Variants in ADAMTS20 observed in about 807,000 individuals in gnomAD.
ADAMTS20 encodes A disintegrin and metalloproteinase with thrombospondin motifs 20.
A neutral mutation model predicts 260.1 loss-of-function variants in ADAMTS20; 225 were observed. The observed-to-expected ratio is 0.87, with a 90% confidence interval of 0.78 to 0.97. The LOEUF (loss-of-function observed/expected upper bound fraction) is 0.97. Among genes scored for constraint, ADAMTS20 ranks in the 50% least tolerant of loss-of-function variants. ADAMTS20 has a pLI of 0.00. For synonymous variants in ADAMTS20, 802 were observed against 769.5 expected (o/e 1.04, Z -0.70); for missense variants, 2,400 against 2,337.7 (o/e 1.03, Z -0.55).
chr12:43,490,180 C>T (rs978455344), intron 7 of ADAMTS20, among the ~76,000 whole-genome samples: 4 of 151,960 alleles, frequency 2.6e-5, no homozygotes, highest in Non-Finnish European at 4.4e-5. Flanking sequence ...TCATGCACAG[C>T]ATTTGATATT....
At chr12:43,499,709 T>C (rs1225107360) in intron 4 of ADAMTS20, among the ~76,000 whole-genome samples, 1 of 152,110 alleles carries the variant, frequency 6.6e-6, no homozygotes, top group Non-Finnish European at 1.5e-5. Context: ...TTCACCATGT[T>C]GGCCAGGATG....
Position 43,423,844 on chromosome 12 carries a change from C to T in ADAMTS20, c.4284+1670G>A, listed in dbSNP as rs1345923454. 5.6e-6 allele frequency: 4 copies of T among 716,284 alleles called. No individual in the cohort carries two copies. In the Admixed American group the frequency reaches 5.8e-5, roughly 10 times the overall value. 44.4% of individuals were successfully genotyped at this position (716,284 alleles called of 1,614,324 possible). On this transcript the variant is annotated intron_variant, in intron 28 of 38. Transcript: ENST00000389420. ...CATTTATTAAATACATATGTGAGTG[C>T]TTTCCATGGCAAAATATGTTTTTCA...
intron 28 of ADAMTS20, among the ~76,000 whole-genome samples, chr12:43,413,308 C>G (rs2137275598): frequency 6.6e-6 from 1 of 152,162 alleles, no homozygotes; most frequent in South Asian, 2.1e-4. Flanking sequence ...TTTTTTCTAT[C>G]AACTATTATA....
chr12:43,547,388 G>A (rs1311132498), intron 2 of ADAMTS20, among the ~76,000 whole-genome samples: 3 of 152,120 alleles, frequency 2.0e-5, no homozygotes, highest in Non-Finnish European at 2.9e-5. Context: ...AAAGAAAACA[G>A]ATGCTAAGAT....
intron 28 of ADAMTS20, among the ~76,000 whole-genome samples, chr12:43,408,120 T>C (rs1940953550): frequency 6.6e-6 from 1 of 152,172 alleles, no homozygotes; most frequent in Non-Finnish European, 1.5e-5. Context: ...TAACAATTTC[T>C]TTGGGGCCAT....
intron 29 of ADAMTS20, among the ~76,000 whole-genome samples, chr12:43,394,193 T>G (rs1347627383): frequency 6.6e-6 from 1 of 152,102 alleles, no homozygotes; most frequent in Non-Finnish European, 1.5e-5. Flanking sequence ...CTGATTTTGT[T>G]ATACGAAAAA....
chr12:43,492,131 A>G (rs1160192806), intron 6 of ADAMTS20, among the ~76,000 whole-genome samples: 1 of 152,200 alleles, frequency 6.6e-6, no homozygotes, highest in African/African-American at 2.4e-5. Flanking sequence ...CTGTAATCCC[A>G]ACACTTTGGG....
Position 43,490,416 on chromosome 12 carries a change from T to C in ADAMTS20, c.1096A>G (p.Lys366Glu). 7.7e-7 allele frequency: 1 copy of C among 1,301,998 alleles called. No individual in the cohort carries two copies. The highest frequency in any genetic ancestry group is 1.0e-6 in the Non-Finnish European group (1 of 965,066). The allele number at this position is 1,301,998 out of a possible 1,614,324, so 80.7% of individuals were successfully genotyped here. Residue 366 changes from lysine (K) to glutamate (E), a missense_variant, in exon 7 of 39, where the codon AAA becomes GAA. Transcript: ENST00000389420. Reference protein sequence around the residue: ...LITREDICSSKEKCNMLGLSY... With the variant: ...LITREDICSSEEKCNMLGLSY... ...TTACCTAACATGTTACATTTCTCTT[T>C]AGATGAACAAATGTCTTCCCTTAAA... is the stretch of plus-strand genomic sequence containing the variant.
intron 4 of ADAMTS20, among the ~76,000 whole-genome samples, chr12:43,499,952 C>T (rs553279295): frequency 6.6e-6 from 1 of 152,134 alleles, no homozygotes; most frequent in East Asian, 1.9e-4. Flanking sequence ...CAATAGTTAT[C>T]TGTCATTTAC....
At chr12:43,458,611 C>T (rs1048310863) in intron 11 of ADAMTS20, among the ~76,000 whole-genome samples, 4 of 152,250 alleles carry the variant, frequency 2.6e-5, no homozygotes, top group African/African-American at 7.2e-5. Flanking sequence ...CATATAATGT[C>T]TGTCCTGACC....
intron 3 of ADAMTS20, among the ~76,000 whole-genome samples, chr12:43,530,052 T>C (rs1943199120): frequency 6.6e-6 from 1 of 152,136 alleles, no homozygotes; most frequent in Non-Finnish European, 1.5e-5. Context: ...ACCTTTTACA[T>C]TTTGTTAGAT....
intron 3 of ADAMTS20, among the ~76,000 whole-genome samples, chr12:43,522,185 C>A (rs1325058337): frequency 2.0e-5 from 3 of 149,012 alleles, no homozygotes; most frequent in Non-Finnish European, 4.5e-5. Flanking sequence ...AGTGAGGAAG[C>A]AAGGCACGTT....
At chr12:43,532,557 T>TA (rs1477472746) in intron 2 of ADAMTS20, among the ~76,000 whole-genome samples, 1 of 147,516 alleles carries the variant, frequency 6.8e-6, no homozygotes, top group Non-Finnish European at 1.5e-5. Context: ...TTTTTAATGT[T>TA]TTTTTTTTTA....
chr12:43,466,277 C>T (rs1215174964), intron 9 of ADAMTS20, among the ~76,000 whole-genome samples: 1 of 151,914 alleles, frequency 6.6e-6, no homozygotes, highest in East Asian at 1.9e-4. Context: ...ACTTGAGCCA[C>T]TCAAATTTCT....
chr12:43,488,853 A>G lies in ADAMTS20; in HGVS notation c.1117+1542T>C, dbSNP rs546149749. On this transcript the variant is annotated intron_variant, in intron 7 of 38. Transcript: ENST00000389420. ...TATGAAATCTCCAATAATTGTTTTG[A>G]CTGTTGCCTTTGGCTCTTTAGTGCA... Among the ~76,000 whole-genome samples, 51 of 152,260 alleles carry G rather than the reference A, an allele frequency of 3.3e-4. 1 individual carries two copies. Among genetic ancestry groups the G allele is most frequent in the African/African-American group, 1.2e-3 (48 of 41,580 alleles).
intron 2 of ADAMTS20, among the ~76,000 whole-genome samples, chr12:43,537,436 A>G (rs1943311999): frequency 6.6e-6 from 1 of 152,212 alleles, no homozygotes; most frequent in South Asian, 2.1e-4. Flanking sequence ...ATACAGGCAT[A>G]CAATGTGAAA....
chr12:43,359,777 T>C (rs765342877), intron 37 of ADAMTS20, among the ~76,000 whole-genome samples: 5 of 152,378 alleles, frequency 3.3e-5, no homozygotes, highest in East Asian at 1.9e-4. Flanking sequence ...TCTGTCTATA[T>C]GTTTTTGACT....
At chr12:43,522,954 A>G (rs565480089) in intron 3 of ADAMTS20, among the ~76,000 whole-genome samples, 6 of 152,350 alleles carry the variant, frequency 3.9e-5, no homozygotes, top group African/African-American at 1.4e-4. Context: ...TTAGGGTCAT[A>G]ATGAATTAAA....
At chr12:43,477,022 T>C (rs1190229444) in intron 7 of ADAMTS20, among the ~76,000 whole-genome samples, 3 of 129,788 alleles carry the variant, frequency 2.3e-5, no homozygotes, top group African/African-American at 8.6e-5. Flanking sequence ...TCAGACATGA[T>C]ACAAGATGAT....
Sources: gnomAD v4.1 joint callset for allele counts (sites outside exome capture counted in the v4.1 genomes callset) on GRCh38, gnomAD v4.1.1 for gene constraint, MANE v1.5 for transcripts, NCBI Gene and HGNC (gene_info 2026-07-23, HGNC 2026-07-21) for gene names.